DCAF5: variants seen among roughly 807,000 people sequenced by gnomAD.
The protein encoded by DCAF5 is DDB1- and CUL4-associated factor 5.
Under a neutral mutation model 80.7 loss-of-function variants are expected in DCAF5, and 9 were observed. The observed-to-expected ratio is 0.11, with a 90% CI of 0.07 to 0.19. DCAF5 has a LOEUF of 0.19. Ranked by LOEUF, DCAF5 falls within the 10% of genes least tolerant of loss-of-function variation. The probability of loss-of-function intolerance (pLI) is 1.00; values close to 1 mark genes in which losing one functional copy is unlikely to be tolerated. For synonymous variants in DCAF5, 433 were observed against 461.9 expected (o/e 0.94, Z 0.80); for missense variants, 842 against 1,205.7 (o/e 0.70, Z 4.47).
intron 6 of DCAF5, among the ~76,000 whole-genome samples, chr14:69,086,229 G>A (rs1165354786): frequency 1.3e-5 from 2 of 152,086 alleles, no homozygotes; most frequent in Non-Finnish European, 2.9e-5. Context: ...GTGGTGGCGC[G>A]TGCCTATAAT....
chr14:69,097,624 T>C (rs2139990675), intron 5 of DCAF5, among the ~76,000 whole-genome samples: 1 of 148,398 alleles, frequency 6.7e-6, no homozygotes, highest in African/African-American at 2.5e-5. Flanking sequence ...TCTCACTTTG[T>C]CACCCAGGCT....
At chr14:69,141,563 T>G (rs940800328) in intron 1 of DCAF5, among the ~76,000 whole-genome samples, 2 of 152,078 alleles carry the variant, frequency 1.3e-5, no homozygotes, top group African/African-American at 2.4e-5. Context: ...ACTAGGACCT[T>G]TTTAAGAATG....
At chr14:69,058,153 T>C (rs1030928342) in intron 8 of DCAF5, among the ~76,000 whole-genome samples, 1 of 152,192 alleles carries the variant, frequency 6.6e-6, no homozygotes, top group African/African-American at 2.4e-5. Context: ...ATTTGTGAAA[T>C]TGGTAATCTC....
intron 2 of DCAF5, among the ~76,000 whole-genome samples, chr14:69,119,454 T>TAACA (rs1294292431): frequency 6.6e-6 from 1 of 151,444 alleles, no homozygotes; most frequent in East Asian, 1.9e-4. Flanking sequence ...TATAACACAG[T>TAACA]AACAGTTCCC....
intron 5 of DCAF5, among the ~76,000 whole-genome samples, chr14:69,104,946 G>T (rs1012029937): frequency 2.0e-5 from 3 of 151,868 alleles, no homozygotes; most frequent in Admixed American, 6.6e-5. Context: ...AGGATTTTGA[G>T]TCCTGCTTCA....
At chr14:69,085,801 G>A (rs111877228) in intron 6 of DCAF5, among the ~76,000 whole-genome samples, 1 of 151,962 alleles carries the variant, frequency 6.6e-6, no homozygotes, top group Admixed American at 6.6e-5. Flanking sequence ...AAACATTCAC[G>A]CTCTAAAAAA....
chr14:69,092,650 C>T (rs891687992), intron 5 of DCAF5, among the ~76,000 whole-genome samples: 4 of 151,934 alleles, frequency 2.6e-5, no homozygotes, highest in Non-Finnish European at 4.4e-5. Flanking sequence ...TGTTTATAAT[C>T]GATAATTTGT....
At chr14:69,068,807 C>G (rs1194765902) in intron 7 of DCAF5, among the ~76,000 whole-genome samples, 1 of 151,322 alleles carries the variant, frequency 6.6e-6, no homozygotes, top group African/African-American at 2.4e-5. Context: ...CCCAAGTGAA[C>G]AGTTGCAGGG....
chr14:69,055,083 C>T lies in DCAF5; in HGVS notation c.1603G>A (p.Glu535Lys), dbSNP rs1318445540. The T allele has an allele frequency of 6.2e-7, 1 of 1,614,092 alleles. No homozygotes were observed. The stretch of plus-strand genomic sequence containing the variant: ...TCTAGTTCCACCTCACAGACATTCT[C>T]CTCAGAATCGGACTCATTGGAAAGG... ...LALSNESDSE[E>K]NVCEVELDTD... The change falls in exon 9 of 9, where the codon GAG becomes AAG. Residue 535 changes from glutamate to lysine, a missense_variant. By Grantham distance (56) the Glu-to-Lys change is moderately conservative (BLOSUM62 1). This residue lies in a region of DCAF5 where 607 missense variants were observed against 656.6 expected (regional missense o/e 0.92). Transcript: ENST00000341516. This position sits in a 1 kb window ranked among gnomAD's most constrained non-coding sequence, Gnocchi z 5.6.
At chr14:69,117,932 A>C (rs1245630522) in intron 4 of DCAF5, among the ~76,000 whole-genome samples, 1 of 152,132 alleles carries the variant, frequency 6.6e-6, no homozygotes, top group Non-Finnish European at 1.5e-5. Flanking sequence ...GAGGGTGGAG[A>C]AGGACTGGCA....
chr14:69,145,167 G>A (rs1049819106), intron 1 of DCAF5, among the ~76,000 whole-genome samples: 5 of 152,022 alleles, frequency 3.3e-5, no homozygotes, highest in Non-Finnish European at 7.4e-5. Context: ...AAAGGTGCAC[G>A]CCACCATACC....
At chr14:69,056,775 G>A (rs1260151900) in intron 8 of DCAF5, among the ~76,000 whole-genome samples, 1 of 152,176 alleles carries the variant, frequency 6.6e-6, no homozygotes, top group Non-Finnish European at 1.5e-5. Context: ...TCCCATTCCT[G>A]CCATGCTTTA....
intron 1 of DCAF5, among the ~76,000 whole-genome samples, chr14:69,128,193 C>CTTT (rs554746869): frequency 9.2e-5 from 13 of 142,038 alleles, no homozygotes; most frequent in African/African-American, 2.9e-4. Flanking sequence ...TTTTCTTCTT[C>CTTT]TTTTTTTTTT....
At chr14:69,075,455 A>G in intron 6 of DCAF5, 44 bp from the exon 7 acceptor site, 1 of 1,200,150 alleles carries the variant, frequency 8.3e-7, no homozygotes, top group Non-Finnish European at 1.1e-6. Flanking sequence ...ATATTATAAT[A>G]TAGAATAAAT....
chr14:69,095,118 C>T (rs958808028), intron 5 of DCAF5, among the ~76,000 whole-genome samples: 1 of 152,194 alleles, frequency 6.6e-6, no homozygotes, highest in African/African-American at 2.4e-5. Context: ...TCAACACATT[C>T]CCTGAAGAAG....
intron 6 of DCAF5, among the ~76,000 whole-genome samples, chr14:69,077,864 T>G (rs946705268): frequency 1.3e-5 from 2 of 151,964 alleles, no homozygotes; most frequent in African/African-American, 4.8e-5. Flanking sequence ...CAAAGACAGG[T>G]GGGTTTAAAG....
At chr14:69,066,102 C>G (rs192837940) in intron 7 of DCAF5, among the ~76,000 whole-genome samples, 1 of 151,518 alleles carries the variant, frequency 6.6e-6, no homozygotes, top group South Asian at 2.1e-4. Flanking sequence ...TCTGGGCCAT[C>G]TGCTTTGGTT....
intron 5 of DCAF5, among the ~76,000 whole-genome samples, chr14:69,092,811 T>C (rs1408637070): frequency 6.6e-6 from 1 of 152,228 alleles, no homozygotes; most frequent in Non-Finnish European, 1.5e-5. Context: ...GGAAAATGAC[T>C]TGTTTTCCTT....
intron 1 of DCAF5, among the ~76,000 whole-genome samples, chr14:69,151,602 C>A (rs1004164727): frequency 6.6e-6 from 1 of 152,204 alleles, no homozygotes; most frequent in African/African-American, 2.4e-5. Flanking sequence ...TTCACCCCCC[C>A]TCCCCTGAGC....
Sources: allele counts gnomAD v4.1 joint callset (sites outside exome capture counted in the v4.1 genomes callset), GRCh38; gene constraint gnomAD v4.1.1; regional missense constraint gnomAD v4.1.1; non-coding constraint Gnocchi (gnomAD v3.1); transcripts MANE v1.5; gene names NCBI Gene and HGNC (gene_info 2026-07-23, HGNC 2026-07-21).